Variants in OCA2 observed in about 807,000 individuals in gnomAD.
OCA2 encodes the protein P protein.
In OCA2, 77 loss-of-function variants were observed where a neutral mutation model predicts 100.2. The observed-to-expected ratio is 0.77, with a 90% CI of 0.64 to 0.93. The LOEUF (loss-of-function observed/expected upper bound fraction) is 0.93, where lower values mean the gene tolerates loss of function less well. Ranked by LOEUF, OCA2 falls within the 40% of genes least tolerant of loss-of-function variation. OCA2 has a pLI of 0.00. For synonymous variants in OCA2, 432 were observed against 439.2 expected (o/e 0.98, Z 0.21); for missense variants, 1,062 against 1,089.1 (o/e 0.98, Z 0.35).
intron 19 of OCA2, among the ~76,000 whole-genome samples, chr15:27,881,429 G>A (rs998372338): frequency 2.0e-4 from 31 of 152,274 alleles, no homozygotes; most frequent in African/African-American, 7.5e-4. Context: ...AATTGTTTCA[G>A]AAGAAATGGT....
intron 23 of OCA2, among the ~76,000 whole-genome samples, chr15:27,824,702 C>A (rs2034650375): frequency 6.7e-6 from 1 of 150,272 alleles, no homozygotes; most frequent in South Asian, 2.1e-4. Flanking sequence ...ACATCTCCGG[C>A]CAGCTGCTAG....
chr15:28,047,459 C>T (rs2043380319), intron 2 of OCA2, among the ~76,000 whole-genome samples: 1 of 152,142 alleles, frequency 6.6e-6, no homozygotes, highest in Admixed American at 6.5e-5. Context: ...TACAGACAGA[C>T]CTCATGTCAT....
intron 2 of OCA2, 92 bp from the exon 3 acceptor site, chr15:28,032,255 A>G: frequency 1.0e-6 from 1 of 976,792 alleles, no homozygotes; most frequent in Non-Finnish European, 1.6e-6. Flanking sequence ...AATGTGCCCA[A>G]GATTCAGTGA....
chr15:27,756,008 G>A (rs117071274), intron 23 of OCA2, among the ~76,000 whole-genome samples: 60 of 152,320 alleles, frequency 3.9e-4, no homozygotes, highest in East Asian at 1.4e-3. Flanking sequence ...GGTGTGAGAC[G>A]TGTGGACAAG....
intron 23 of OCA2, among the ~76,000 whole-genome samples, chr15:27,765,761 C>T (rs1023268857): frequency 3.3e-5 from 5 of 152,144 alleles, no homozygotes; most frequent in Admixed American, 1.3e-4. Flanking sequence ...ATAATAAGCC[C>T]GACCCTCGGT....
At chr15:28,040,440 G>A (rs773087913) in intron 2 of OCA2, among the ~76,000 whole-genome samples, 10 of 152,054 alleles carry the variant, frequency 6.6e-5, no homozygotes, top group Non-Finnish European at 1.2e-4. Flanking sequence ...AATTTTATAC[G>A]ATAAGGAACT....
intron 19 of OCA2, among the ~76,000 whole-genome samples, chr15:27,912,642 G>T (rs1450833121): frequency 6.6e-6 from 1 of 152,178 alleles, no homozygotes; most frequent in Non-Finnish European, 1.5e-5. Flanking sequence ...GTTAATAAAT[G>T]TATTAATAGA....
At chr15:28,027,148 T>C (rs556464799) in intron 4 of OCA2, among the ~76,000 whole-genome samples, 14 of 152,326 alleles carry the variant, frequency 9.2e-5, no homozygotes, top group African/African-American at 2.9e-4. Flanking sequence ...ATTAGATAAA[T>C]AGGCCAGTAA....
At chr15:28,009,932 A>G (rs1400392304) in intron 9 of OCA2, among the ~76,000 whole-genome samples, 2 of 152,236 alleles carry the variant, frequency 1.3e-5, no homozygotes, top group African/African-American at 4.8e-5. Flanking sequence ...TGAAAACACT[A>G]CAGATCAAAA....
intron 19 of OCA2, among the ~76,000 whole-genome samples, chr15:27,876,818 C>T (rs2036811648): frequency 6.6e-6 from 1 of 151,498 alleles, no homozygotes; most frequent in African/African-American, 2.4e-5. Flanking sequence ...GATGTGTGTT[C>T]AATTGTTTCT....
chr15:27,897,104 G>A (rs2037730817), intron 19 of OCA2, among the ~76,000 whole-genome samples: 1 of 151,602 alleles, frequency 6.6e-6, no homozygotes, highest in African/African-American at 2.4e-5. Flanking sequence ...ACAGGAGAAT[G>A]CAGTGAACCT....
Position 27,755,379 on chromosome 15 carries a change from G to A in OCA2, c.*9C>T. ...TTCCTTTAGTCTTCGAGCAATAGAT[G>A]GATGTCTATTAATTCCATCCCACCA... On this transcript the variant is annotated 3_prime_UTR_variant, in exon 24 of 24. Coordinates refer to ENST00000354638, the MANE Select transcript of OCA2 (RefSeq NM_000275.3). The A allele has an allele frequency of 6.3e-7, 1 of 1,592,982 alleles. No homozygotes were observed. The highest frequency in any genetic ancestry group is 8.6e-7 in the Non-Finnish European group (1 of 1,160,878).
At chr15:28,053,473 A>G (rs17652274) in intron 2 of OCA2, among the ~76,000 whole-genome samples, 23 of 152,040 alleles carry the variant, frequency 1.5e-4, no homozygotes, top group Non-Finnish European at 1.5e-5. Flanking sequence ...CCTCAAAGTG[A>G]CCCTGGCTGA....
In OCA2 at chr15:28,018,484, C is replaced by T. The variant is rs2042475415; in HGVS notation, c.720G>A (p.Gly240=). ...VDLAGALVAS[G]PSRPGREEHI... is the part of the protein sequence containing the mutation. Reference sequence around the variant, plus strand: ...GCTCTTCCCTCCCAGGACGACTCGGCCCACTGGCCACTAGGGCCCCTGCCA... The same window carrying T: ...GCTCTTCCCTCCCAGGACGACTCGGTCCACTGGCCACTAGGGCCCCTGCCA... The change falls in exon 7 of 24, where the codon GGG becomes GGA. Residue 240 remains glycine (G), a synonymous_variant. Transcript: ENST00000354638. The T allele has an allele frequency of 6.2e-7, 1 of 1,613,750 alleles. No homozygotes were observed. The highest frequency in any genetic ancestry group is 8.5e-7 in the Non-Finnish European group (1 of 1,179,938).
At chr15:27,902,471 G>A (rs1160892187) in intron 19 of OCA2, among the ~76,000 whole-genome samples, 1 of 152,056 alleles carries the variant, frequency 6.6e-6, no homozygotes, top group African/African-American at 2.4e-5. Flanking sequence ...GTATAAATTG[G>A]TAAATTTGAA....
chr15:27,837,215 C>T (rs1385484042), intron 23 of OCA2, among the ~76,000 whole-genome samples: 1 of 152,162 alleles, frequency 6.6e-6, no homozygotes, highest in Non-Finnish European at 1.5e-5. Context: ...AAATCATATC[C>T]TCCCTAGGAA....
At chr15:27,976,496 G>T (rs1597203) in intron 14 of OCA2, among the ~76,000 whole-genome samples, 5,701 of 152,106 alleles carry the variant, frequency 0.037, 132 homozygotes, top group Middle Eastern at 0.092. Context: ...TGTTTTTTCT[G>T]CATCTATTGA....
At chr15:27,954,154 CA>C (rs1567150582) in intron 17 of OCA2, among the ~76,000 whole-genome samples, 4,952 of 53,150 alleles carry the variant, frequency 0.093, 158 homozygotes, top group Middle Eastern at 0.34. Flanking sequence ...CACACACACA[CA>C]CACACCTAGG....
At chr15:27,883,560 C>T (rs979371485) in intron 19 of OCA2, among the ~76,000 whole-genome samples, 9 of 152,154 alleles carry the variant, frequency 5.9e-5, no homozygotes, top group African/African-American at 2.2e-4. Context: ...ACGCCCCCTG[C>T]GGATCCCTCA....
Sources: gnomAD v4.1 joint callset for allele counts (sites outside exome capture counted in the v4.1 genomes callset) on GRCh38, gnomAD v4.1.1 for gene constraint, MANE v1.5 for transcripts, NCBI Gene and HGNC (gene_info 2026-07-23, HGNC 2026-07-21) for gene names.